The following ADAR variants were observed in gnomAD, a reference collection of about 807,000 sequenced individuals.
The protein encoded by ADAR is adenosine deaminase RNA specific.
Under a neutral mutation model 113.2 loss-of-function variants are expected in ADAR, and 41 were observed. The observed-to-expected ratio is 0.36, with a 90% CI of 0.28 to 0.47. The LOEUF (loss-of-function observed/expected upper bound fraction) is 0.47, where lower values mean the gene tolerates loss of function less well. Ranked by LOEUF, ADAR falls within the 20% of genes least tolerant of loss-of-function variation. The pLI is 1.00. For synonymous variants in ADAR, 605 were observed against 572.6 expected (o/e 1.06, Z -0.81); for missense variants, 1,242 against 1,540.9 (o/e 0.81, Z 3.25).
chr1:154,595,879 A>G (rs1697458440), intron 6 of ADAR, among the ~76,000 whole-genome samples: 1 of 152,104 alleles, frequency 6.6e-6, no homozygotes, highest in Non-Finnish European at 1.5e-5. Context: ...GGCGCCCTAT[A>G]CAGGTGTAGT....
intron 5 of ADAR, 27 bp downstream of exon 5, chr1:154,597,087 AATGACCTGT>A: frequency 6.2e-7 from 1 of 1,614,178 alleles, no homozygotes; most frequent in Non-Finnish European, 8.5e-7. Flanking sequence ...AGTTGCTAAA[AATGACCTGT>A]ATCTTTTGAG....
chr1:154,595,864 T>C (rs1468811184), intron 6 of ADAR, among the ~76,000 whole-genome samples: 1 of 152,230 alleles, frequency 6.6e-6, no homozygotes, highest in East Asian at 1.9e-4. Context: ...GCTCCATTCA[T>C]GGCAGGCGCC....
intron 1 of ADAR, among the ~76,000 whole-genome samples, chr1:154,614,716 T>G (rs1698585249): frequency 6.6e-6 from 1 of 152,260 alleles, no homozygotes; most frequent in Admixed American, 6.5e-5. Context: ...TGACCAGTTT[T>G]TATTCTGTCT....
chr1:154,586,788 A>G (rs1254507661), intron 11 of ADAR, among the ~76,000 whole-genome samples: 9 of 152,092 alleles, frequency 5.9e-5, no homozygotes, highest in Non-Finnish European at 1.3e-4. Context: ...GGACAAAAGC[A>G]AAGGCCCCAA....
At position 154,601,388 on chromosome 1, in the gene ADAR, C is replaced by T; in HGVS notation, c.1254G>A (p.Lys418=). The T allele has an allele frequency of 1.2e-6, 2 of 1,614,220 alleles. No individual in the cohort carries two copies. The highest frequency in any genetic ancestry group is 1.7e-6 in the Non-Finnish European group (2 of 1,180,040). ...GTCTGGCCTCTTGCCTGTTTTCTAA[C>T]TTTATGACAGGTTCCTGCCCATTCT... ...KVENGQEPVI[K]LENRQEARPE... Residue 418 remains lysine, a synonymous_variant, in exon 2 of 15, where the codon AAG becomes AAA. Transcript: ENST00000368474. This position sits in a 1 kb window ranked among gnomAD's most constrained non-coding sequence, Gnocchi z 4.7.
intron 6 of ADAR, 101 bp downstream of exon 6, chr1:154,596,703 GC>G: frequency 2.2e-6 from 3 of 1,364,962 alleles, no homozygotes; most frequent in Non-Finnish European, 3.1e-6. Context: ...CCCTCAACTC[GC>G]CCCTTCTGTC....
At chr1:154,604,024 C>G (rs1005273354) in intron 1 of ADAR, among the ~76,000 whole-genome samples, 1 of 152,192 alleles carries the variant, frequency 6.6e-6, no homozygotes, top group African/African-American at 2.4e-5. Flanking sequence ...CTCCTTCAAT[C>G]TCACTATGAC....
chr1:154,597,835 C>A lies in ADAR; in HGVS notation c.1927G>T (p.Glu643Ter). ...RLLSKEGPAH[E>*]PKFQYCVAVG... is the part of the protein sequence containing the mutation. The stretch of plus-strand genomic sequence containing the variant: ...AGGACACGTAGGACATACTTGGGTT[C>A]ATGGGCAGGGCCTTCTTTGGACAGG... Residue 643 changes from glutamate (E) to a stop codon, truncating the protein, a stop_gained, in exon 4 of 15, where the codon GAA becomes TAA. Transcript: ENST00000368474. LOFTEE classifies it high-confidence loss of function. 1 of 1,614,128 alleles carries A rather than the reference C, an allele frequency of 6.2e-7. No individual in the cohort carries two copies. The highest frequency in any genetic ancestry group is 8.5e-7 in the Non-Finnish European group (1 of 1,180,038).
intron 1 of ADAR, among the ~76,000 whole-genome samples, chr1:154,624,627 G>T (rs1209943114): frequency 1.3e-5 from 2 of 152,092 alleles, no homozygotes; most frequent in Non-Finnish European, 2.9e-5. Context: ...TCAATCACAG[G>T]TCTTTCCCAA....
rs1571037029 is a variant in ADAR at position 154,582,795 on chromosome 1, C to T, written c.*2011G>A. On this transcript the variant is annotated 3_prime_UTR_variant, in exon 15 of 15. Transcript: ENST00000368474. Reference sequence around the variant, plus strand: ...CTGCGCTGCCTTCTGATGCTGAGAACCACAGACCTCTCTGCCCTGGATGTG... The same window carrying T: ...CTGCGCTGCCTTCTGATGCTGAGAATCACAGACCTCTCTGCCCTGGATGTG... 6.6e-6 allele frequency: 1 copy of T among 152,238 alleles called. No individual in the cohort carries two copies. The highest frequency in any genetic ancestry group is 2.4e-5 in the African/African-American group (1 of 41,438). 9.4% of individuals were successfully genotyped at this position (152,238 alleles called of 1,614,324 possible). A position where few individuals can be genotyped will look rare whatever the true frequency, so the allele number is the denominator to read the frequency against.
intron 6 of ADAR, 30 bp from the exon 7 acceptor site, chr1:154,590,439 A>C: frequency 6.2e-7 from 1 of 1,602,982 alleles, no homozygotes. Context: ...GAATGAAGAC[A>C]AGTGCCAGAC....
At chr1:154,602,688 G>GC (rs1461603106) in intron 1 of ADAR, 62 bp from the exon 2 acceptor site, 3 of 1,591,342 alleles carry the variant, frequency 1.9e-6, no homozygotes, top group Non-Finnish European at 2.6e-6. Flanking sequence ...ACCTGTGGAG[G>GC]CCCCTCCCTT....
At chr1:154,593,890 GTTTT>G (rs35428129) in intron 6 of ADAR, among the ~76,000 whole-genome samples, 1 of 146,802 alleles carries the variant, frequency 6.8e-6, no homozygotes, top group African/African-American at 2.5e-5. Context: ...TGATTTTTTT[GTTTT>G]TTTTTTTGAG....
chr1:154,616,827 A>C (rs1423313158), intron 1 of ADAR, among the ~76,000 whole-genome samples: 1 of 152,232 alleles, frequency 6.6e-6, no homozygotes, highest in Admixed American at 6.5e-5. Context: ...GTTAAGAGGC[A>C]CTGCTCCAAA....
rs1696611438 is a variant in ADAR, at chr1:154,584,453, T to C, written c.*353A>G. ...TAATCAAGACCGCAAGAGGTCAGTG[T>C]AGCAAACACAAAGGGAAAGGAAATG... On this transcript the variant is annotated 3_prime_UTR_variant, in exon 15 of 15. Coordinates refer to ENST00000368474, the MANE Select transcript of ADAR (RefSeq NM_001111.5). 3.6e-6 allele frequency: 1 copy of C among 278,552 alleles called. No individual in the cohort carries two copies. 17.3% of individuals were successfully genotyped at this position (278,552 alleles called of 1,614,324 possible). A position where few individuals can be genotyped will look rare whatever the true frequency, so the allele number is the denominator to read the frequency against.
At chr1:154,585,473 G>A in intron 13 of ADAR, 129 bp from the exon 14 acceptor site, 4 of 1,391,382 alleles carry the variant, frequency 2.9e-6, no homozygotes. Flanking sequence ...TTAGGGTTCT[G>A]TTTGGCTAAG....
chr1:154,598,837 G>C (rs562552857), intron 2 of ADAR, among the ~76,000 whole-genome samples: 1 of 152,310 alleles, frequency 6.6e-6, no homozygotes, highest in South Asian at 2.1e-4. Flanking sequence ...TAGGAAACTA[G>C]CTCAGGGGAA....
Position 154,601,818 on chromosome 1 carries a change from C to A in ADAR, c.824G>T (p.Gly275Val), listed in dbSNP as rs772037083. ...GGAGTTGCTGTCTTCAGGTTCCAAA[C>A]CTGGGTCTGAGTTTGGGGATCCTTG... ...HSQGSPNSDPGLEPEDSNSTS... is the reference protein window; with the variant it reads ...HSQGSPNSDPVLEPEDSNSTS... The change falls in exon 2 of 15, where the codon GGT (glycine) becomes GTT (valine). Residue 275 changes from glycine to valine, a missense_variant. By Grantham distance (109) the Gly-to-Val change is moderately radical. Transcript: ENST00000368474. The surrounding 1 kb of genome is among the most constrained non-coding windows in gnomAD (Gnocchi z 4.7). 1 of 1,614,234 alleles carries A rather than the reference C, an allele frequency of 6.2e-7. No individual in the cohort carries two copies. Among genetic ancestry groups the A allele is most frequent in the Non-Finnish European group, 8.5e-7 (1 of 1,180,042 alleles).
chr1:154,613,707 C>T (rs1480765182), intron 1 of ADAR, among the ~76,000 whole-genome samples: 5 of 151,940 alleles, frequency 3.3e-5, no homozygotes, highest in Non-Finnish European at 7.4e-5. Flanking sequence ...GAGTTCGAGA[C>T]CCGCCTGACT....
Sources: allele counts gnomAD v4.1 joint callset (sites outside exome capture counted in the v4.1 genomes callset), GRCh38; gene constraint gnomAD v4.1.1; non-coding constraint Gnocchi (gnomAD v3.1); transcripts MANE v1.5; gene names NCBI Gene and HGNC (gene_info 2026-07-23, HGNC 2026-07-21).